Variants in ELK3 observed in about 807,000 individuals in gnomAD.
ELK3 encodes ETS transcription factor ELK3, also known as ETS domain-containing protein Elk-3.
Under a neutral mutation model 28.9 loss-of-function variants are expected in ELK3, and 10 were observed. The ratio of observed to expected loss-of-function variants is 0.35; its 90% CI spans 0.21 to 0.59. The LOEUF (loss-of-function observed/expected upper bound fraction) is 0.59, where lower values mean the gene tolerates loss of function less well. ELK3 is among the 20% of genes least tolerant of loss of function. The probability of loss-of-function intolerance (pLI) is 0.82; values close to 1 mark genes in which losing one functional copy is unlikely to be tolerated. For synonymous variants in ELK3, 272 were observed against 243.5 expected (o/e 1.12, Z -1.09); for missense variants, 463 against 517.3 (o/e 0.90, Z 1.02).
intron 2 of ELK3, among the ~76,000 whole-genome samples, chr12:96,225,969 C>A (rs1248791375): frequency 6.6e-6 from 1 of 151,846 alleles, no homozygotes; most frequent in Middle Eastern, 3.2e-3. Flanking sequence ...CCTGTCACAA[C>A]AAAGAATTAA....
rs201101979 is a variant in ELK3, at chr12:96,259,766, G to A, written c.1038G>A (p.Leu346=). The change falls in exon 4 of 5, where the codon CTG becomes CTA. Residue 346 remains leucine (L), a synonymous_variant. Coordinates refer to ENST00000228741, the MANE Select transcript of ELK3 (RefSeq NM_005230.4). ...PNGLLLTPSP[L]LSSIHFWSSL... is the part of the protein sequence containing the mutation. ...GATTGCTTCTGACTCCGAGTCCACT[G>A]CTCTCCAGCATACATTTCTGGAGCA... The A allele has an allele frequency of 3.8e-5, 61 of 1,611,002 alleles. No individual in the cohort carries two copies. In the East Asian group the frequency reaches 1.3e-3, roughly 34 times the overall value.
At chr12:96,256,671 A>T (rs1267416936) in intron 3 of ELK3, among the ~76,000 whole-genome samples, 1 of 152,238 alleles carries the variant, frequency 6.6e-6, no homozygotes, top group Non-Finnish European at 1.5e-5. Context: ...CAATCACCAT[A>T]ATAGGAGGCA....
intron 1 of ELK3, among the ~76,000 whole-genome samples, chr12:96,217,717 C>T (rs1045467574): frequency 3.3e-5 from 5 of 152,080 alleles, no homozygotes; most frequent in African/African-American, 1.2e-4. Flanking sequence ...GGGCAGATCA[C>T]CTGAGGTCAG....
At chr12:96,219,731 G>A (rs567499725) in intron 1 of ELK3, among the ~76,000 whole-genome samples, 2 of 152,324 alleles carry the variant, frequency 1.3e-5, no homozygotes, top group East Asian at 1.9e-4. Flanking sequence ...ACTTCTGAGC[G>A]TAGACAGGAG....
intron 1 of ELK3, among the ~76,000 whole-genome samples, chr12:96,196,125 A>G (rs1290024941): frequency 6.6e-6 from 1 of 152,170 alleles, no homozygotes; most frequent in Non-Finnish European, 1.5e-5. Flanking sequence ...CACACACACC[A>G]ACTAATCTCA....
At chr12:96,258,206 G>C (rs1326258264) in intron 3 of ELK3, among the ~76,000 whole-genome samples, 1 of 152,220 alleles carries the variant, frequency 6.6e-6, no homozygotes, top group Non-Finnish European at 1.5e-5. Flanking sequence ...AGTTTTAACT[G>C]TTAGGCCAGA....
At chr12:96,215,928 C>CTAG (rs1951613700) in intron 1 of ELK3, among the ~76,000 whole-genome samples, 1 of 152,154 alleles carries the variant, frequency 6.6e-6, no homozygotes. Context: ...GCTATCACGC[C>CTAG]TAGCCTCAAA....
At chr12:96,199,737 A>G (rs531801169) in intron 1 of ELK3, among the ~76,000 whole-genome samples, 3 of 152,328 alleles carry the variant, frequency 2.0e-5, no homozygotes, top group African/African-American at 7.2e-5. Flanking sequence ...TCCCACTAGG[A>G]ATAAAGTCAT....
chr12:96,234,122 GC>G (rs758354469), intron 2 of ELK3, among the ~76,000 whole-genome samples: 17 of 152,334 alleles, frequency 1.1e-4, no homozygotes, highest in Non-Finnish European at 1.9e-4. Context: ...AGGGGACCAG[GC>G]TGCTGGGAGC....
At chr12:96,226,904 G>A (rs1162786918) in intron 2 of ELK3, among the ~76,000 whole-genome samples, 3 of 151,998 alleles carry the variant, frequency 2.0e-5, no homozygotes, top group Non-Finnish European at 4.4e-5. Context: ...AGAAGAGGAG[G>A]CATGTCAAAA....
At chr12:96,205,590 C>T (rs1951534041) in intron 1 of ELK3, among the ~76,000 whole-genome samples, 1 of 152,216 alleles carries the variant, frequency 6.6e-6, no homozygotes, top group African/African-American at 2.4e-5. Context: ...CTTCCCACCT[C>T]AGCCTCCCTC....
rs993579814 is a variant in ELK3 at position 96,247,332 on chromosome 12, C to G, written c.600C>G (p.Ser200=). The change falls in exon 3 of 5, where the codon TCC becomes TCG. Residue 200 remains serine, a synonymous_variant. Transcript: ENST00000228741. This position sits in a 1 kb window ranked among gnomAD's most constrained non-coding sequence, Gnocchi z 5.5. ...AGCACGTCACCAGGCCGGTGGTGTCCCTGCCTTCCACGTCAGAGGCTGCGG... is the reference window on the plus strand; with the variant it reads ...AGCACGTCACCAGGCCGGTGGTGTCGCTGCCTTCCACGTCAGAGGCTGCGG... The part of the protein sequence containing the change: ...TDKHVTRPVV[S]LPSTSEAAAA... 6 of 1,614,112 alleles carry G rather than the reference C, an allele frequency of 3.7e-6. No individual in the cohort carries two copies. The highest frequency in any genetic ancestry group is 1.3e-5 in the African/African-American group (1 of 74,948).
chr12:96,239,460 A>G (rs1951805756), intron 2 of ELK3, among the ~76,000 whole-genome samples: 1 of 152,138 alleles, frequency 6.6e-6, no homozygotes, highest in South Asian at 2.1e-4. Flanking sequence ...ATATAACCTC[A>G]CTGTCCAGGG....
chr12:96,249,231 G>T (rs983072123), intron 3 of ELK3, among the ~76,000 whole-genome samples: 2 of 152,166 alleles, frequency 1.3e-5, no homozygotes, highest in Non-Finnish European at 2.9e-5. Context: ...ATGCATTCCC[G>T]CTGCGAGAAG....
Position 96,259,802 on chromosome 12 carries a change from AG to A in ELK3, c.1075del (p.Val359LeufsTer4). The A allele has an allele frequency of 6.2e-7, 1 of 1,610,338 alleles. No homozygotes were observed. Among genetic ancestry groups the A allele is most frequent in the South Asian group, 1.1e-5 (1 of 90,758 alleles). ...TACATTTCTGGAGCAGCCTTAGTCC[AG>A]TTGCTCCGCTGAGTCCTGCCAGGCT... ...SIHFWSSLSP[V>X]APLSPARLQG... On this transcript the variant is annotated frameshift_variant, in exon 4 of 5. Coordinates refer to ENST00000228741, the MANE Select transcript of ELK3 (RefSeq NM_005230.4). LOFTEE classifies it high-confidence loss of function.
chr12:96,247,568 G>A lies in ELK3; in HGVS notation c.836G>A (p.Gly279Asp), dbSNP rs1288143093. Residue 279 changes from glycine (G) to aspartate (D), a missense_variant, in exon 3 of 5, where the codon GGC (glycine) becomes GAC (aspartate). Coordinates refer to ENST00000228741, the MANE Select transcript of ELK3 (RefSeq NM_005230.4). The surrounding 1 kb of genome is among the most constrained non-coding windows in gnomAD (Gnocchi z 5.5). ...DSLEPLNLSS[G>D]SKTKSPSLPP... ...CTGGAGCCCTTGAACCTGTCATCGG[G>A]CTCCAAGACCAAGTCTCCATCTCTT... 1 of 1,614,052 alleles carries A rather than the reference G, an allele frequency of 6.2e-7. No homozygotes were observed. The highest frequency in any genetic ancestry group is 8.5e-7 in the Non-Finnish European group (1 of 1,180,026).
intron 4 of ELK3, among the ~76,000 whole-genome samples, chr12:96,263,871 T>C (rs1952011139): frequency 1.3e-5 from 2 of 152,226 alleles, no homozygotes; most frequent in Admixed American, 1.3e-4. Context: ...TTACGCTTTT[T>C]AAGCTGGAGG....
intron 1 of ELK3, among the ~76,000 whole-genome samples, chr12:96,196,421 TGG>T (rs11331932): frequency 5.3e-5 from 8 of 151,006 alleles, no homozygotes; most frequent in African/African-American, 1.7e-4. Flanking sequence ...TCTTTGGGGG[TGG>T]GGGGGGTGTG....
chr12:96,257,924 T>C (rs940465447), intron 3 of ELK3, among the ~76,000 whole-genome samples: 2 of 152,254 alleles, frequency 1.3e-5, no homozygotes, highest in Non-Finnish European at 2.9e-5. Context: ...CATTTATTCA[T>C]TCAAAAACAT....
Sources: allele counts gnomAD v4.1 joint callset (sites outside exome capture counted in the v4.1 genomes callset), GRCh38; gene constraint gnomAD v4.1.1; non-coding constraint Gnocchi (gnomAD v3.1); transcripts MANE v1.5; gene names NCBI Gene and HGNC (gene_info 2026-07-23, HGNC 2026-07-21).